CNTLN: variants seen among roughly 807,000 people sequenced by gnomAD.
CNTLN encodes the protein centlein.
CNTLN carries 212 observed loss-of-function variants against 180.0 expected under a neutral mutation model. The observed-to-expected ratio is 1.18, with a 90% CI of 1.05 to 1.32. CNTLN has a LOEUF of 1.32. CNTLN is among the 40% of genes most tolerant of loss of function. CNTLN has a pLI of 0.00. For missense variants in CNTLN, 2,095 were observed against 1,610.9 expected (o/e 1.30, Z -5.14); for synonymous variants, 722 against 563.1 (o/e 1.28, Z -3.99).
intron 15 of CNTLN, among the ~76,000 whole-genome samples, chr9:17,399,598 TC>T (rs1447046700): frequency 2.0e-5 from 3 of 152,222 alleles, no homozygotes; most frequent in Non-Finnish European, 4.4e-5. Context: ...CTTTCCATCT[TC>T]CTTCCATTTT....
intron 23 of CNTLN, among the ~76,000 whole-genome samples, chr9:17,476,889 C>T (rs1832380076): frequency 6.6e-6 from 1 of 152,208 alleles, no homozygotes; most frequent in African/African-American, 2.4e-5. Flanking sequence ...GTAGACAAAA[C>T]AGCCTTCTAT....
chr9:17,206,994 C>T (rs1471503403), intron 2 of CNTLN, among the ~76,000 whole-genome samples: 1 of 152,184 alleles, frequency 6.6e-6, no homozygotes, highest in East Asian at 1.9e-4. Flanking sequence ...TGTCTGTGCA[C>T]TGATGAGTAG....
chr9:17,138,389 G>C (rs1159339303), intron 1 of CNTLN, among the ~76,000 whole-genome samples: 1 of 152,146 alleles, frequency 6.6e-6, no homozygotes, highest in Admixed American at 6.5e-5. Context: ...AATGAAATAT[G>C]AAATTAGTTT....
chr9:17,477,105 C>A (rs1486334471), intron 23 of CNTLN, among the ~76,000 whole-genome samples: 2 of 152,264 alleles, frequency 1.3e-5, no homozygotes, highest in East Asian at 1.9e-4. Context: ...ATAAATGGAA[C>A]AACAAAGCCT....
intron 18 of CNTLN, among the ~76,000 whole-genome samples, chr9:17,429,641 TTA>T (rs1187179026): frequency 2.0e-5 from 3 of 151,970 alleles, no homozygotes; most frequent in Non-Finnish European, 4.4e-5. Flanking sequence ...TATCCTGTTT[TTA>T]TGCAGGAAAA....
chr9:17,214,218 C>T (rs1563888534), intron 2 of CNTLN, among the ~76,000 whole-genome samples: 1 of 152,164 alleles, frequency 6.6e-6, no homozygotes. Context: ...ATGTTTAGTG[C>T]TTCCTTCAGG....
intron 11 of CNTLN, 96 bp downstream of exon 11, chr9:17,341,044 G>T: frequency 2.7e-6 from 3 of 1,128,900 alleles, no homozygotes; most frequent in South Asian, 2.7e-5. Flanking sequence ...TGGTTTTAAA[G>T]AAATTATTTG....
chr9:17,250,725 T>G (rs1409529808), intron 5 of CNTLN, among the ~76,000 whole-genome samples: 1 of 152,108 alleles, frequency 6.6e-6, no homozygotes, highest in Admixed American at 6.6e-5. Context: ...GTAGTTTTTA[T>G]GTAGTTTATA....
chr9:17,156,081 A>C (rs10123876), intron 2 of CNTLN, among the ~76,000 whole-genome samples: 1 of 152,166 alleles, frequency 6.6e-6, no homozygotes, highest in Admixed American at 6.5e-5. Flanking sequence ...GCGAGTCCCA[A>C]TGAGATGAAC....
intron 10 of CNTLN, among the ~76,000 whole-genome samples, chr9:17,336,578 ATAGC>A (rs1821053830): frequency 6.6e-6 from 1 of 152,214 alleles, no homozygotes; most frequent in South Asian, 2.1e-4. Context: ...TTTGCAAATA[ATAGC>A]TAGTTGAATT....
intron 18 of CNTLN, among the ~76,000 whole-genome samples, chr9:17,429,310 C>T (rs1051556003): frequency 1.3e-5 from 2 of 152,028 alleles, no homozygotes; most frequent in East Asian, 3.9e-4. Context: ...AGAAGTTCCC[C>T]GTGATAGATT....
intron 8 of CNTLN, among the ~76,000 whole-genome samples, chr9:17,318,526 A>G (rs1486514838): frequency 1.3e-5 from 2 of 152,210 alleles, no homozygotes; most frequent in African/African-American, 4.8e-5. Context: ...AAACTTTGAT[A>G]TTGACTTATA....
At chr9:17,215,337 G>C (rs1007145612) in intron 2 of CNTLN, among the ~76,000 whole-genome samples, 12 of 152,162 alleles carry the variant, frequency 7.9e-5, no homozygotes. Context: ...TCTTTGCCTG[G>C]GTGTCAGCAG....
intron 6 of CNTLN, among the ~76,000 whole-genome samples, chr9:17,292,129 C>T (rs568637584): frequency 1.3e-5 from 2 of 152,170 alleles, no homozygotes; most frequent in African/African-American, 2.4e-5. Context: ...TAATGGCCCC[C>T]AATCTCTTCT....
intron 8 of CNTLN, among the ~76,000 whole-genome samples, chr9:17,325,316 ATAAAGT>A (rs1820195249): frequency 1.3e-5 from 2 of 151,596 alleles, no homozygotes; most frequent in Admixed American, 1.3e-4. Flanking sequence ...AATTTTAAAT[ATAAAGT>A]TAATCTCTGA....
chr9:17,344,824 A>G (rs1405054345), intron 12 of CNTLN, among the ~76,000 whole-genome samples: 2 of 152,198 alleles, frequency 1.3e-5, no homozygotes, highest in African/African-American at 2.4e-5. Context: ...TTGAGTAACT[A>G]CCACTACAAT....
At chr9:17,473,357 C>A (rs1219289248) in intron 23 of CNTLN, among the ~76,000 whole-genome samples, 4 of 151,800 alleles carry the variant, frequency 2.6e-5, no homozygotes, top group Non-Finnish European at 5.9e-5. Flanking sequence ...TCCTTTTTTT[C>A]ATTACCTTTA....
At chr9:17,414,363 A>G (rs1828070994) in intron 16 of CNTLN, among the ~76,000 whole-genome samples, 1 of 152,216 alleles carries the variant, frequency 6.6e-6, no homozygotes, top group Non-Finnish European at 1.5e-5. Context: ...TACTGGAAAC[A>G]GAAGCCCACT....
intron 2 of CNTLN, among the ~76,000 whole-genome samples, chr9:17,180,343 T>G (rs1821044274): frequency 7.5e-6 from 1 of 132,844 alleles, no homozygotes; most frequent in Admixed American, 7.4e-5. Context: ...GTGGTTGCTC[T>G]AATTATTATA....
Sources: gnomAD v4.1 joint callset for allele counts (sites outside exome capture counted in the v4.1 genomes callset) on GRCh38, gnomAD v4.1.1 for gene constraint, MANE v1.5 for transcripts, NCBI Gene and HGNC (gene_info 2026-07-23, HGNC 2026-07-21) for gene names.